Variants in MACC1 observed in about 807,000 individuals in gnomAD.
MACC1 encodes metastasis-associated in colon cancer protein 1.
MACC1 carries 79 observed loss-of-function variants against 70.7 expected under a neutral mutation model. That is an observed-to-expected ratio of 1.12 (90% CI 0.93 to 1.35). The LOEUF is 1.35. Ranked by LOEUF, MACC1 falls within the 40% of genes most tolerant of loss-of-function variation. The pLI, the probability that MACC1 is intolerant of heterozygous loss-of-function variation, is 0.00. For missense variants in MACC1, 1,106 were observed against 978.1 expected, an observed-to-expected ratio of 1.13 and a Z score of -1.74; for synonymous variants, 361 against 347.2, an observed-to-expected ratio of 1.04 and a Z score of -0.44.
intron 4 of MACC1, 45 bp from the exon 5 acceptor site, chr7:20,160,290 A>C (rs528187493): frequency 1.3e-6 from 2 of 1,495,914 alleles, no homozygotes; most frequent in African/African-American, 1.4e-5. Context: ...ATAAGGTGGC[A>C]CTGTGAGTTA....
rs563727051 is a variant in MACC1, at chr7:20,135,554, G to T, written c.*5392C>A. 6.6e-6 allele frequency: 1 copy of T among 152,280 alleles called. No individual in the cohort carries two copies. Among genetic ancestry groups the T allele is most frequent in the South Asian group, 2.1e-4 (1 of 4,820 alleles). 9.4% of individuals were successfully genotyped at this position (152,280 alleles called of 1,614,324 possible). On this transcript the variant is annotated 3_prime_UTR_variant, in exon 7 of 7. Coordinates refer to ENST00000400331, the MANE Select transcript of MACC1 (RefSeq NM_182762.4). The stretch of plus-strand genomic sequence containing the variant: ...GACCAGAAACATCTGCATCACCTGG[G>T]AAGTGATTAGAAATGCAAGTGATCA...
At chr7:20,169,709 T>C (rs563157735) in intron 2 of MACC1, among the ~76,000 whole-genome samples, 3 of 152,312 alleles carry the variant, frequency 2.0e-5, no homozygotes, top group Non-Finnish European at 2.9e-5. Flanking sequence ...GTCCTTCTAG[T>C]ATAAACTTGG....
intron 2 of MACC1, among the ~76,000 whole-genome samples, chr7:20,169,340 T>G (rs1476863358): frequency 6.6e-6 from 1 of 152,210 alleles, no homozygotes; most frequent in African/African-American, 2.4e-5. Flanking sequence ...GTTATGGACC[T>G]GCAGTCATTT....
intron 1 of MACC1, among the ~76,000 whole-genome samples, chr7:20,193,704 T>C (rs2128107414): frequency 6.6e-6 from 1 of 152,030 alleles, no homozygotes; most frequent in South Asian, 2.1e-4. Context: ...TCCCACTTTG[T>C]AAAATGTGGA....
chr7:20,165,204 T>G (rs1199398751), intron 2 of MACC1, among the ~76,000 whole-genome samples: 2 of 152,174 alleles, frequency 1.3e-5, no homozygotes, highest in Non-Finnish European at 1.5e-5. Context: ...CAGGATCACT[T>G]GGAAGGCTTA....
intron 1 of MACC1, among the ~76,000 whole-genome samples, chr7:20,181,337 C>T (rs568238948): frequency 3.3e-5 from 5 of 151,774 alleles, no homozygotes; most frequent in African/African-American, 1.2e-4. Context: ...AGGACAGTTA[C>T]AGTATAAAAT....
intron 6 of MACC1, among the ~76,000 whole-genome samples, chr7:20,148,032 G>GA (rs1271789489): frequency 3.3e-5 from 5 of 152,010 alleles, no homozygotes; most frequent in African/African-American, 2.4e-5. Context: ...TAAAACAAAT[G>GA]AAAAAATACA....
intron 1 of MACC1, among the ~76,000 whole-genome samples, chr7:20,189,699 A>T (rs75772433): frequency 0.011 from 1,723 of 151,956 alleles, 31 homozygotes; most frequent in African/African-American, 0.04. Context: ...AGCAGGAGAA[A>T]AAATGGGGAA....
intron 1 of MACC1, among the ~76,000 whole-genome samples, chr7:20,190,466 A>G (rs1451934167): frequency 2.0e-5 from 3 of 152,206 alleles, no homozygotes; most frequent in African/African-American, 7.2e-5. Flanking sequence ...AACTTTCTCA[A>G]TATAAATTTA....
intron 6 of MACC1, among the ~76,000 whole-genome samples, chr7:20,144,998 G>C (rs1335347637): frequency 2.0e-5 from 3 of 152,110 alleles, no homozygotes; most frequent in African/African-American, 7.2e-5. Flanking sequence ...ACATGCATTG[G>C]CTTGCTGGAG....
At chr7:20,149,412 C>G (rs1243595257) in intron 6 of MACC1, among the ~76,000 whole-genome samples, 3 of 152,096 alleles carry the variant, frequency 2.0e-5, no homozygotes, top group Non-Finnish European at 4.4e-5. Context: ...AAAACATTGT[C>G]CCAAATATTA....
chr7:20,152,489 T>G (rs145966512), intron 6 of MACC1, among the ~76,000 whole-genome samples: 34 of 152,356 alleles, frequency 2.2e-4, no homozygotes, highest in African/African-American at 7.2e-4. Context: ...GTAAGATTTC[T>G]GTATATTATT....
chr7:20,185,940 C>T (rs1322702836), intron 1 of MACC1, among the ~76,000 whole-genome samples: 1 of 152,152 alleles, frequency 6.6e-6, no homozygotes, highest in Non-Finnish European at 1.5e-5. Context: ...GAGAAAAATC[C>T]CAAGATTCTT....
chr7:20,147,104 A>G (rs532549086), intron 6 of MACC1, among the ~76,000 whole-genome samples: 7 of 152,240 alleles, frequency 4.6e-5, no homozygotes, highest in Non-Finnish European at 1.0e-4. Context: ...TATAGGACAA[A>G]ATAAAAAGTA....
rs1455982582 is a variant in MACC1 at position 20,136,894 on chromosome 7, ATAT to A, written c.*4049_*4051del. Reference sequence around the variant, plus strand: ...AGATTATTAATTATAATATTAAATTATATTATTAATTCTTAAAGATTATTAATT... The same window carrying A: ...AGATTATTAATTATAATATTAAATTATATTAATTCTTAAAGATTATTAATT... On this transcript the variant is annotated 3_prime_UTR_variant, in exon 7 of 7. Transcript: ENST00000400331. The A allele has an allele frequency of 3.6e-5, 5 of 140,742 alleles. No homozygotes were observed. Among genetic ancestry groups the A allele is most frequent in the African/African-American group, 4.9e-5 (2 of 40,554 alleles). 8.7% of individuals were successfully genotyped at this position (140,742 alleles called of 1,614,324 possible). A position where few individuals can be genotyped will look rare whatever the true frequency, so the allele number is the denominator to read the frequency against.
intron 1 of MACC1, among the ~76,000 whole-genome samples, chr7:20,204,250 G>A (rs1782875403): frequency 1.3e-5 from 2 of 152,220 alleles, no homozygotes; most frequent in South Asian, 4.1e-4. Context: ...CGCCTCCCGG[G>A]TTCACGCCAT....
chr7:20,144,727 G>C (rs1781861801), intron 6 of MACC1, among the ~76,000 whole-genome samples: 1 of 152,126 alleles, frequency 6.6e-6, no homozygotes, highest in Admixed American at 6.5e-5. Flanking sequence ...TTGGAATGAG[G>C]AGATGACCTT....
intron 1 of MACC1, among the ~76,000 whole-genome samples, chr7:20,189,227 T>G (rs146964123): frequency 5.9e-5 from 9 of 152,358 alleles, no homozygotes; most frequent in Non-Finnish European, 1.0e-4. Context: ...TCTGCCTTAT[T>G]TTTCTTCATG....
At chr7:20,143,133 T>C (rs991628345) in intron 6 of MACC1, among the ~76,000 whole-genome samples, 3 of 152,162 alleles carry the variant, frequency 2.0e-5, no homozygotes, top group African/African-American at 2.4e-5. Context: ...CCCACCTACT[T>C]TCATGGGAAG....
Sources: allele counts gnomAD v4.1 joint callset (sites outside exome capture counted in the v4.1 genomes callset), GRCh38; gene constraint gnomAD v4.1.1; transcripts MANE v1.5; gene names NCBI Gene and HGNC (gene_info 2026-07-23, HGNC 2026-07-21).